ULK4: variants seen among roughly 807,000 people sequenced by gnomAD.
ULK4 encodes the protein inactive serine/threonine-protein kinase ULK4.
Under a neutral mutation model 160.6 loss-of-function variants are expected in ULK4, and 133 were observed. The observed-to-expected ratio is 0.83, with a 90% confidence interval of 0.72 to 0.96. The LOEUF (loss-of-function observed/expected upper bound fraction) is 0.96. Ranked by LOEUF, ULK4 falls within the 40% of genes least tolerant of loss-of-function variation. The probability of loss-of-function intolerance (pLI) is 0.00; values close to 1 mark genes in which losing one functional copy is unlikely to be tolerated. For synonymous variants in ULK4, 534 were observed against 539.8 expected, an observed-to-expected ratio of 0.99 and a Z score of 0.15; for missense variants, 1,580 against 1,499.5, an observed-to-expected ratio of 1.05 and a Z score of -0.89.
intron 13 of ULK4, among the ~76,000 whole-genome samples, chr3:41,898,937 T>G (rs1698259269): frequency 6.6e-6 from 1 of 152,186 alleles, no homozygotes; most frequent in Non-Finnish European, 1.5e-5. Context: ...CAACAAAATA[T>G]TTCACAATTC....
chr3:41,854,550 C>A (rs1195260442), intron 17 of ULK4, among the ~76,000 whole-genome samples: 1 of 152,100 alleles, frequency 6.6e-6, no homozygotes, highest in Non-Finnish European at 1.5e-5. Context: ...GTAAATTGAG[C>A]ATCAGGTGTC....
chr3:41,825,462 C>T (rs1182836825), intron 18 of ULK4, among the ~76,000 whole-genome samples: 1 of 152,076 alleles, frequency 6.6e-6, no homozygotes, highest in East Asian at 1.9e-4. Context: ...CAGAGAAGTC[C>T]TTAAAGGACC....
intron 2 of ULK4, among the ~76,000 whole-genome samples, chr3:41,939,025 A>G (rs1380778241): frequency 6.6e-6 from 1 of 152,234 alleles, no homozygotes; most frequent in Non-Finnish European, 1.5e-5. Context: ...TAAAATGTAT[A>G]CTTAATTTTA....
chr3:41,447,228 C>T (rs1034859853), intron 34 of ULK4, among the ~76,000 whole-genome samples: 1 of 152,042 alleles, frequency 6.6e-6, no homozygotes, highest in Non-Finnish European at 1.5e-5. Flanking sequence ...TCTCGCCTAT[C>T]GGTCTGTCCC....
rs951436983 is a variant in ULK4 at position 41,747,973 on chromosome 3, T to A, written c.2321+6388A>T. Among the ~76,000 whole-genome samples the A allele has an allele frequency of 3.9e-5, 6 of 152,264 alleles. No homozygotes were observed. In the East Asian group the frequency reaches 1.2e-3, roughly 29 times the overall value. ...AGACACAACTATGAAATACATACTT[T>A]CTTTAAAAAGATAGAAAAATAAATA... On this transcript the variant is annotated intron_variant, in intron 22 of 36. Transcript: ENST00000301831.
At chr3:41,568,031 G>A (rs1428943624) in intron 31 of ULK4, among the ~76,000 whole-genome samples, 2 of 152,072 alleles carry the variant, frequency 1.3e-5, no homozygotes, top group Non-Finnish European at 2.9e-5. Context: ...TCCACCGATG[G>A]CCTTTTCTGT....
intron 31 of ULK4, among the ~76,000 whole-genome samples, chr3:41,588,411 A>G (rs1451004001): frequency 6.6e-6 from 1 of 152,242 alleles, no homozygotes; most frequent in Non-Finnish European, 1.5e-5. Context: ...TCACAGAAAA[A>G]TTATGACAAA....
At chr3:41,342,001 G>A (rs747166242) in intron 35 of ULK4, among the ~76,000 whole-genome samples, 11 of 152,154 alleles carry the variant, frequency 7.2e-5, no homozygotes, top group Non-Finnish European at 1.2e-4. Context: ...TTCAGCAGAC[G>A]AGTCAATTGA....
At chr3:41,734,587 G>T (rs1204176439) in intron 22 of ULK4, among the ~76,000 whole-genome samples, 1 of 152,108 alleles carries the variant, frequency 6.6e-6, no homozygotes, top group Non-Finnish European at 1.5e-5. Flanking sequence ...AGAAAAAAAA[G>T]AAGGCTCAGC....
chr3:41,801,995 T>A (rs1278682962), intron 19 of ULK4, among the ~76,000 whole-genome samples: 1 of 149,450 alleles, frequency 6.7e-6, no homozygotes, highest in Non-Finnish European at 1.5e-5. Context: ...AATAAAGCAA[T>A]ATATTTTAAG....
At chr3:41,522,623 T>C (rs2085971347) in intron 32 of ULK4, among the ~76,000 whole-genome samples, 1 of 151,948 alleles carries the variant, frequency 6.6e-6, no homozygotes, top group South Asian at 2.1e-4. Flanking sequence ...GAAAGAAAAA[T>C]GGAAAGTTCT....
intron 35 of ULK4, among the ~76,000 whole-genome samples, chr3:41,284,975 C>G (rs904270137): frequency 2.0e-5 from 3 of 152,016 alleles, no homozygotes; most frequent in African/African-American, 7.3e-5. Context: ...AAATGGCCAA[C>G]AAACATGAAA....
chr3:41,816,575 G>C (rs1298999251), intron 19 of ULK4, among the ~76,000 whole-genome samples: 2 of 152,134 alleles, frequency 1.3e-5, no homozygotes, highest in Non-Finnish European at 1.5e-5. Context: ...CCAACTCTGG[G>C]AGGCCGAGGG....
intron 32 of ULK4, among the ~76,000 whole-genome samples, chr3:41,468,944 C>G (rs962904765): frequency 7.2e-5 from 11 of 152,194 alleles, no homozygotes; most frequent in Non-Finnish European, 1.3e-4. Flanking sequence ...ATGGTGTTAG[C>G]TTTGTGTACC....
intron 2 of ULK4, among the ~76,000 whole-genome samples, chr3:41,951,398 GA>G (rs77303040): frequency 0.017 from 1,571 of 91,594 alleles, 8 homozygotes; most frequent in Middle Eastern, 0.033. Flanking sequence ...AATCTTAAAA[GA>G]AAAAAAAAAA....
intron 30 of ULK4, among the ~76,000 whole-genome samples, chr3:41,648,374 TAAGAAA>T (rs77397917): frequency 0.077 from 11,679 of 152,172 alleles, 594 homozygotes; most frequent in East Asian, 0.17. Context: ...TATCTTAAAG[TAAGAAA>T]CAAAGGATAG....
At chr3:41,493,695 C>CA (rs1199655981) in intron 32 of ULK4, among the ~76,000 whole-genome samples, 1 of 149,810 alleles carries the variant, frequency 6.7e-6, no homozygotes. Context: ...GACTAATAAA[C>CA]AAAAAAAGAG....
At chr3:41,507,943 C>A (rs950524109) in intron 32 of ULK4, among the ~76,000 whole-genome samples, 3 of 152,182 alleles carry the variant, frequency 2.0e-5, no homozygotes, top group Non-Finnish European at 4.4e-5. Context: ...TCCATAGACC[C>A]TTTGAAGGAA....
At chr3:41,894,910 C>T (rs2148784938) in intron 16 of ULK4, among the ~76,000 whole-genome samples, 1 of 152,264 alleles carries the variant, frequency 6.6e-6, no homozygotes, top group South Asian at 2.1e-4. Flanking sequence ...TGCTCTCCAC[C>T]TGGTATGTTG....
Sources: gnomAD v4.1 joint callset for allele counts (sites outside exome capture counted in the v4.1 genomes callset) on GRCh38, gnomAD v4.1.1 for gene constraint, MANE v1.5 for transcripts, NCBI Gene and HGNC (gene_info 2026-07-23, HGNC 2026-07-21) for gene names.